TPST2: variants seen among roughly 807,000 people sequenced by gnomAD.
TPST2 encodes the protein tyrosylprotein sulfotransferase 2.
In TPST2, 16 loss-of-function variants were observed where a neutral mutation model predicts 27.8. The ratio of observed to expected loss-of-function variants is 0.58; its 90% confidence interval spans 0.39 to 0.88. The LOEUF is 0.88. TPST2 is among the 40% of genes least tolerant of loss of function. The pLI is 0.00. For synonymous variants in TPST2, 229 were observed against 231.7 expected, an observed-to-expected ratio of 0.99 and a Z score of 0.10; for missense variants, 464 against 543.1, an observed-to-expected ratio of 0.85 and a Z score of 1.45.
At chr22:26,559,576 G>A (rs1372108605) in intron 1 of TPST2, among the ~76,000 whole-genome samples, 2 of 152,100 alleles carry the variant, frequency 1.3e-5, no homozygotes, top group South Asian at 2.1e-4. Context: ...CCAGCCCCAG[G>A]AGACCACTAC....
chr22:26,560,187 C>T (rs924813875), intron 1 of TPST2, among the ~76,000 whole-genome samples: 5 of 152,082 alleles, frequency 3.3e-5, no homozygotes, highest in African/African-American at 1.2e-4. Flanking sequence ...GGGTTCTTCC[C>T]ATGTACCCAG....
rs34776057 is a variant in TPST2 at position 26,530,631 on chromosome 22, C to CAAAA, written c.1092+2060_1092+2063dup. On this transcript the variant is annotated intron_variant, in intron 5 of 6. Transcript: ENST00000338754. ...TGGGTGACACAGTGAAACCCCATCT[C>CAAAA]AAAAAAAAAAAGGAATCAGCAGGAG... 8.5e-5 allele frequency among the ~76,000 whole-genome samples: 10 copies of CAAAA among 118,302 alleles called. 1 individual carries two copies. The highest frequency in any genetic ancestry group is 1.2e-4 in the Non-Finnish European group (7 of 58,248). 77.6% of individuals were successfully genotyped at this position (118,302 alleles called of 152,430 possible).
intron 1 of TPST2, chr22:26,555,246 T>C: frequency 1.9e-6 from 1 of 532,168 alleles, no homozygotes; most frequent in Non-Finnish European, 3.8e-6. Flanking sequence ...GGTGCAAAAG[T>C]AATGCAGTTT....
intron 1 of TPST2, among the ~76,000 whole-genome samples, chr22:26,564,137 G>A (rs1254604338): frequency 6.6e-6 from 1 of 152,176 alleles, no homozygotes; most frequent in Non-Finnish European, 1.5e-5. Context: ...GCTGAACGAG[G>A]TGTCTAGACA....
At chr22:26,580,457 A>G (rs1928056852) in intron 1 of TPST2, among the ~76,000 whole-genome samples, 1 of 152,156 alleles carries the variant, frequency 6.6e-6, no homozygotes, top group Non-Finnish European at 1.5e-5. Flanking sequence ...CTACTGGCCC[A>G]GCCCCCTCCA....
chr22:26,536,803 A>C (rs1925498853), intron 3 of TPST2, among the ~76,000 whole-genome samples: 1 of 152,224 alleles, frequency 6.6e-6, no homozygotes, highest in Non-Finnish European at 1.5e-5. Context: ...TCACACCTGT[A>C]ATCCCAGCAC....
intron 1 of TPST2, among the ~76,000 whole-genome samples, chr22:26,552,259 T>C (rs1602275309): frequency 6.6e-6 from 1 of 152,156 alleles, no homozygotes. Flanking sequence ...GAACGCGTGG[T>C]CCGGTCAGGT....
chr22:26,561,392 G>C (rs900484411), intron 1 of TPST2, among the ~76,000 whole-genome samples: 2 of 152,182 alleles, frequency 1.3e-5, no homozygotes, highest in Non-Finnish European at 2.9e-5. Context: ...CAGTATGGGG[G>C]CTGTAAATTG....
intron 1 of TPST2, among the ~76,000 whole-genome samples, chr22:26,549,996 T>TGC (rs1569185041): frequency 2.0e-5 from 3 of 148,474 alleles, no homozygotes; most frequent in Admixed American, 2.0e-4. Context: ...GCCGAGATCA[T>TGC]GCCACTGCAC....
chr22:26,536,632 G>A, intron 3 of TPST2, 146 bp from the exon 4 acceptor site: 2 of 688,550 alleles, frequency 2.9e-6, no homozygotes, highest in Non-Finnish European at 4.5e-6. Context: ...TGAGATGGCA[G>A]GTGAGTCATT....
chr22:26,533,847 A>T (rs1220340174), intron 4 of TPST2, among the ~76,000 whole-genome samples: 2 of 151,866 alleles, frequency 1.3e-5, no homozygotes, highest in African/African-American at 4.8e-5. Flanking sequence ...GCTAATATTC[A>T]ATATTTTTAG....
At chr22:26,536,202 A>G in intron 4 of TPST2, 86 bp downstream of exon 4, 1 of 1,466,948 alleles carries the variant, frequency 6.8e-7, no homozygotes, top group Non-Finnish European at 9.4e-7. Context: ...GAGACTGAAC[A>G]TTTCCTCAGG....
intron 1 of TPST2, among the ~76,000 whole-genome samples, chr22:26,577,746 T>G (rs558490613): frequency 7.0e-6 from 1 of 141,858 alleles, no homozygotes; most frequent in Non-Finnish European, 1.5e-5. Flanking sequence ...GCAACCTCCA[T>G]CTCCCAGGTT....
intron 1 of TPST2, among the ~76,000 whole-genome samples, chr22:26,559,029 A>G (rs367748964): frequency 4.6e-5 from 7 of 152,234 alleles, no homozygotes; most frequent in African/African-American, 1.4e-4. Flanking sequence ...TAACAGCTTT[A>G]CTGAGGGACA....
chr22:26,580,943 G>A (rs1928078076), intron 1 of TPST2, among the ~76,000 whole-genome samples: 4 of 151,938 alleles, frequency 2.6e-5, no homozygotes, highest in African/African-American at 9.7e-5. Context: ...TCGCACTGAG[G>A]CTCTGTTGTG....
chr22:26,532,244 A>AC (rs1366764994), intron 5 of TPST2, among the ~76,000 whole-genome samples: 1 of 152,018 alleles, frequency 6.6e-6, no homozygotes, highest in Non-Finnish European at 1.5e-5. Context: ...GTGCTTAGAG[A>AC]CCCTCTGGTC....
intron 5 of TPST2, among the ~76,000 whole-genome samples, chr22:26,529,637 G>A (rs1470356915): frequency 6.6e-6 from 1 of 152,172 alleles, no homozygotes; most frequent in Admixed American, 6.5e-5. Flanking sequence ...AGGCTGGGAG[G>A]GTGTCATGCC....
intron 1 of TPST2, among the ~76,000 whole-genome samples, chr22:26,583,340 G>A (rs1408029594): frequency 6.7e-6 from 1 of 149,438 alleles, no homozygotes; most frequent in East Asian, 2.0e-4. Flanking sequence ...AGGAGGCTGA[G>A]GCAGGAGAAT....
chr22:26,542,383 C>T (rs924887621), intron 2 of TPST2, among the ~76,000 whole-genome samples: 1 of 151,834 alleles, frequency 6.6e-6, no homozygotes, highest in African/African-American at 2.4e-5. Context: ...CCGCACCTGG[C>T]TAATTTTTAG....
Sources: gnomAD v4.1 joint callset for allele counts (sites outside exome capture counted in the v4.1 genomes callset) on GRCh38, gnomAD v4.1.1 for gene constraint, MANE v1.5 for transcripts, NCBI Gene and HGNC (gene_info 2026-07-23, HGNC 2026-07-21) for gene names.